The following SNTG1 variants were observed in gnomAD, a reference collection of about 807,000 sequenced individuals.
The protein encoded by SNTG1 is syntrophin gamma 1, also known as gamma-1-syntrophin.
Under a neutral mutation model 74.7 loss-of-function variants are expected in SNTG1, and 39 were observed. The ratio of observed to expected loss-of-function variants is 0.52; its 90% CI spans 0.40 to 0.68. The LOEUF (loss-of-function observed/expected upper bound fraction) is 0.68. Ranked by LOEUF, SNTG1 falls within the 30% of genes least tolerant of loss-of-function variation. SNTG1 has a pLI of 0.00. For missense variants in SNTG1, 685 were observed against 609.5 expected, an observed-to-expected ratio of 1.12 and a Z score of -1.30; for synonymous variants, 254 against 217.1, an observed-to-expected ratio of 1.17 and a Z score of -1.49.
chr8:50,220,639 C>T (rs979572756), intron 2 of SNTG1, among the ~76,000 whole-genome samples: 4 of 152,116 alleles, frequency 2.6e-5, no homozygotes, highest in Non-Finnish European at 5.9e-5. Context: ...CATGAGCCAG[C>T]GTGCTCCTTT....
chr8:50,291,918 T>C (rs1418909236), intron 2 of SNTG1, among the ~76,000 whole-genome samples: 2 of 152,118 alleles, frequency 1.3e-5, no homozygotes, highest in Non-Finnish European at 2.9e-5. Context: ...TCCGTTGTTT[T>C]GGAGTGTCCA....
chr8:50,001,376 G>A (rs1404648405), intron 1 of SNTG1, among the ~76,000 whole-genome samples: 1 of 152,024 alleles, frequency 6.6e-6, no homozygotes, highest in Non-Finnish European at 1.5e-5. Flanking sequence ...ACTTTTAGGG[G>A]GCTTATGGTG....
chr8:50,252,077 C>A (rs936349831), intron 2 of SNTG1, among the ~76,000 whole-genome samples: 51 of 152,048 alleles, frequency 3.4e-4, no homozygotes, highest in South Asian at 2.1e-4. Context: ...CTTACAAATA[C>A]ATGAAAATTA....
At chr8:50,728,118 C>T (rs1429690635) in intron 17 of SNTG1, among the ~76,000 whole-genome samples, 1 of 152,102 alleles carries the variant, frequency 6.6e-6, no homozygotes, top group Non-Finnish European at 1.5e-5. Context: ...TTCTCTGACC[C>T]ATGTAGTCTA....
At chr8:50,679,724 G>T (rs1318333598) in intron 15 of SNTG1, among the ~76,000 whole-genome samples, 1 of 152,124 alleles carries the variant, frequency 6.6e-6, no homozygotes, top group Non-Finnish European at 1.5e-5. Context: ...CCCAGGCTTG[G>T]AATCAGGGAA....
intron 1 of SNTG1, among the ~76,000 whole-genome samples, chr8:50,142,773 AT>A (rs767478766): frequency 2.0e-4 from 31 of 152,298 alleles, no homozygotes; most frequent in South Asian, 1.2e-3. Context: ...AGCAAGACAA[AT>A]TAAAAATAAA....
At chr8:50,439,733 T>C (rs1455698948) in intron 5 of SNTG1, among the ~76,000 whole-genome samples, 2 of 149,602 alleles carry the variant, frequency 1.3e-5, no homozygotes, top group East Asian at 3.9e-4. Context: ...TTTTTTTTTT[T>C]TGGCCAGGCT....
At chr8:50,641,927 T>C (rs1239161374) in intron 13 of SNTG1, among the ~76,000 whole-genome samples, 2 of 152,226 alleles carry the variant, frequency 1.3e-5, no homozygotes, top group South Asian at 2.1e-4. Flanking sequence ...CTTAAACTGA[T>C]GAGACAGTCT....
At chr8:50,183,897 G>A (rs776397983) in intron 2 of SNTG1, among the ~76,000 whole-genome samples, 2 of 152,038 alleles carry the variant, frequency 1.3e-5, no homozygotes, top group Non-Finnish European at 2.9e-5. Flanking sequence ...TACTATAGCA[G>A]CATTAATAAA....
intron 2 of SNTG1, among the ~76,000 whole-genome samples, chr8:50,199,695 T>A (rs910015271): frequency 6.6e-6 from 1 of 152,162 alleles, no homozygotes; most frequent in Non-Finnish European, 1.5e-5. Context: ...CCTGTTTTGG[T>A]GCATGACTGC....
At chr8:50,493,365 G>A (rs114894351) in intron 8 of SNTG1, among the ~76,000 whole-genome samples, 3,845 of 152,228 alleles carry the variant, frequency 0.025, 150 homozygotes, top group African/African-American at 0.087. Context: ...ACTTCAAACC[G>A]TTTAGGAAAC....
intron 1 of SNTG1, among the ~76,000 whole-genome samples, chr8:49,998,613 C>G (rs952601078): frequency 9.2e-5 from 14 of 151,564 alleles, no homozygotes; most frequent in Non-Finnish European, 1.8e-4. Flanking sequence ...CACACACACA[C>G]ACACACACAC....
At chr8:50,472,355 A>T (rs1369525533) in intron 8 of SNTG1, among the ~76,000 whole-genome samples, 1 of 152,224 alleles carries the variant, frequency 6.6e-6, no homozygotes, top group Non-Finnish European at 1.5e-5. Flanking sequence ...CACATTGTAG[A>T]TGTGATGAAG....
rs774520677 is a variant in SNTG1 at position 49,998,835 on chromosome 8, A to C, written c.-103+86604A>C. Among the ~76,000 whole-genome samples the C allele has an allele frequency of 7.9e-5, 12 of 152,318 alleles. 1 individual carries two copies. The East Asian group carries it at 1.9e-3, about 24-fold the overall frequency. On this transcript the variant is annotated intron_variant, in intron 1 of 18. Coordinates refer to ENST00000642720, the MANE Select transcript of SNTG1 (RefSeq NM_018967.5). ...TTTTGTATATGTAGAAGTAATAATG[A>C]TAGATAATGATAAAAATTGTAGTAT...
chr8:50,180,112 A>T (rs1481170093), intron 2 of SNTG1, among the ~76,000 whole-genome samples: 1 of 152,234 alleles, frequency 6.6e-6, no homozygotes, highest in African/African-American at 2.4e-5. Flanking sequence ...AAAAAAGGAC[A>T]TGCTGACATT....
At chr8:49,930,944 C>A (rs1015136565) in intron 1 of SNTG1, among the ~76,000 whole-genome samples, 16 of 152,220 alleles carry the variant, frequency 1.1e-4, no homozygotes, top group Middle Eastern at 3.4e-3. Flanking sequence ...AAAATAGACA[C>A]CTTTTAATGT....
At chr8:49,944,831 A>G (rs1364801532) in intron 1 of SNTG1, among the ~76,000 whole-genome samples, 1 of 149,684 alleles carries the variant, frequency 6.7e-6, no homozygotes, top group Non-Finnish European at 1.5e-5. Flanking sequence ...TCTGTTGCCC[A>G]GGCTGGAGTG....
At chr8:50,146,715 T>C (rs965872091) in intron 1 of SNTG1, among the ~76,000 whole-genome samples, 15 of 152,164 alleles carry the variant, frequency 9.9e-5, no homozygotes, top group African/African-American at 3.6e-4. Context: ...ATTGATATTG[T>C]AAGAGTTTTG....
chr8:50,570,411 A>G (rs1420126518), intron 12 of SNTG1, among the ~76,000 whole-genome samples: 2 of 148,236 alleles, frequency 1.3e-5, no homozygotes, highest in Non-Finnish European at 3.0e-5. Flanking sequence ...GGCGCACACC[A>G]CCACACCCAG....
Sources: allele counts gnomAD v4.1 joint callset (sites outside exome capture counted in the v4.1 genomes callset), GRCh38; gene constraint gnomAD v4.1.1; transcripts MANE v1.5; gene names NCBI Gene and HGNC (gene_info 2026-07-23, HGNC 2026-07-21).